KCNIP4: variants seen among roughly 807,000 people sequenced by gnomAD.
KCNIP4 encodes Kv channel-interacting protein 4.
Under a neutral mutation model 34.0 loss-of-function variants are expected in KCNIP4, and 12 were observed. The observed-to-expected ratio is 0.35, with a 90% CI of 0.23 to 0.57. The LOEUF (loss-of-function observed/expected upper bound fraction) is 0.57, where lower values mean the gene tolerates loss of function less well. Ranked by LOEUF, KCNIP4 falls within the 20% of genes least tolerant of loss-of-function variation. The probability of loss-of-function intolerance (pLI) is 0.83; values close to 1 mark genes in which losing one functional copy is unlikely to be tolerated. For missense variants in KCNIP4, 238 were observed against 311.7 expected, an observed-to-expected ratio of 0.76 and a Z score of 1.78; for synonymous variants, 124 against 102.2, an observed-to-expected ratio of 1.21 and a Z score of -1.29.
chr4:20,945,607 A>C (rs1303040898), intron 1 of KCNIP4, among the ~76,000 whole-genome samples: 1 of 152,160 alleles, frequency 6.6e-6, no homozygotes, highest in Non-Finnish European at 1.5e-5. Flanking sequence ...GTGTGTGAGC[A>C]GGAGTTCTAG....
chr4:21,344,057 C>G (rs117983979), intron 1 of KCNIP4, among the ~76,000 whole-genome samples: 3,778 of 152,160 alleles, frequency 0.025, 111 homozygotes, highest in Admixed American at 0.082. Context: ...AATAGGTTAA[C>G]AGAGGAGACA....
chr4:21,269,417 A>T (rs896498248), intron 1 of KCNIP4, among the ~76,000 whole-genome samples: 1 of 151,890 alleles, frequency 6.6e-6, no homozygotes, highest in African/African-American at 2.4e-5. Flanking sequence ...TTATTTATTT[A>T]TTTGGGGGGA....
At chr4:20,855,106 G>C (rs1306278994) in intron 2 of KCNIP4, among the ~76,000 whole-genome samples, 1 of 152,126 alleles carries the variant, frequency 6.6e-6, no homozygotes, top group African/African-American at 2.4e-5. Context: ...CCTGGCCCAA[G>C]TAACATCTGG....
At chr4:21,556,883 T>C (rs2109024651) in intron 1 of KCNIP4, among the ~76,000 whole-genome samples, 1 of 107,192 alleles carries the variant, frequency 9.3e-6, no homozygotes, top group South Asian at 3.1e-4. Context: ...ATTACGCCAC[T>C]GCACTCCAGC....
chr4:21,804,369 T>C (rs1287678815), intron 1 of KCNIP4, among the ~76,000 whole-genome samples: 2 of 152,224 alleles, frequency 1.3e-5, no homozygotes, highest in Admixed American at 1.3e-4. Context: ...ACAGTGACCT[T>C]GTGTGATGTA....
chr4:21,519,726 G>GTGTGTGTGTGTA (rs1484548503), intron 1 of KCNIP4, among the ~76,000 whole-genome samples: 20 of 122,464 alleles, frequency 1.6e-4, no homozygotes, highest in African/African-American at 6.9e-4. Context: ...ATATACACAC[G>GTGTGTGTGTGTA]TGTGTATATG....
intron 1 of KCNIP4, chr4:21,848,802 T>C (rs1325692703): frequency 6.6e-6 from 1 of 152,074 alleles, no homozygotes; most frequent in East Asian, 1.9e-4. Flanking sequence ...ATCCAGAACA[T>C]GCAATCAGGT....
intron 1 of KCNIP4, among the ~76,000 whole-genome samples, chr4:21,094,056 T>C (rs1424381301): frequency 6.6e-6 from 1 of 151,536 alleles, no homozygotes; most frequent in African/African-American, 2.4e-5. Flanking sequence ...TACTCCAGCC[T>C]GGGCGACAGA....
At chr4:20,743,826 A>G (rs1751752685) in intron 5 of KCNIP4, among the ~76,000 whole-genome samples, 2 of 152,174 alleles carry the variant, frequency 1.3e-5, no homozygotes, top group African/African-American at 4.8e-5. Flanking sequence ...CATCAGAGTG[A>G]ACAGGCAACC....
intron 1 of KCNIP4, among the ~76,000 whole-genome samples, chr4:21,694,925 A>ATAAAT (rs1712106653): frequency 1.0e-5 from 1 of 96,622 alleles, no homozygotes; most frequent in African/African-American, 4.0e-5. Flanking sequence ...AAAAAAAAAA[A>ATAAAT]AAAAATAAAA....
rs67541105 is a variant in KCNIP4, at chr4:21,924,243, CTTTTTT to C, written c.61+24322_61+24327del. Among the ~76,000 whole-genome samples the C allele has an allele frequency of 1.0e-4, 11 of 107,548 alleles. 1 individual carries two copies. The highest frequency in any genetic ancestry group is 3.3e-4 in the African/African-American group (9 of 26,894). The allele number at this position is 107,548 out of a possible 152,430, so 70.6% of individuals were successfully genotyped here. ...ACAATTTCTATTAATGAATATATTT[CTTTTTT>C]TTTTTTTTTTTTGAGACGGAATCTC... On this transcript the variant is annotated intron_variant, in intron 1 of 8. Transcript: ENST00000382152.
intron 1 of KCNIP4, among the ~76,000 whole-genome samples, chr4:21,400,224 G>A (rs1723355492): frequency 6.6e-6 from 1 of 152,036 alleles, no homozygotes; most frequent in African/African-American, 2.4e-5. Context: ...GGGGAGCGTG[G>A]GTGAAAAGGT....
chr4:20,865,092 C>T (rs1722733891), intron 2 of KCNIP4, among the ~76,000 whole-genome samples: 1 of 152,012 alleles, frequency 6.6e-6, no homozygotes, highest in Non-Finnish European at 1.5e-5. Context: ...AATATTGTCA[C>T]CCTGCTTTTA....
chr4:21,775,422 T>C (rs1719109282), intron 1 of KCNIP4, among the ~76,000 whole-genome samples: 1 of 152,174 alleles, frequency 6.6e-6, no homozygotes, highest in Non-Finnish European at 1.5e-5. Flanking sequence ...CAACCCCTGT[T>C]GGAAGTCCTC....
chr4:21,599,569 T>C (rs571695044), intron 1 of KCNIP4, among the ~76,000 whole-genome samples: 23 of 152,230 alleles, frequency 1.5e-4, no homozygotes, highest in African/African-American at 5.1e-4. Context: ...ATTATAAAAT[T>C]AGAGGTAAGC....
chr4:21,704,387 C>T (rs1713104498), intron 1 of KCNIP4, among the ~76,000 whole-genome samples: 1 of 152,098 alleles, frequency 6.6e-6, no homozygotes, highest in East Asian at 1.9e-4. Context: ...TTAATACTTT[C>T]ACTCATCAGA....
intron 1 of KCNIP4, among the ~76,000 whole-genome samples, chr4:21,560,674 T>C (rs1419019243): frequency 6.6e-6 from 1 of 152,104 alleles, no homozygotes; most frequent in Non-Finnish European, 1.5e-5. Context: ...AAGTACCACC[T>C]CACATTATAT....
rs1553898990 is a variant in KCNIP4, at chr4:20,803,727, G to GAGAGGAAGGAAGGA, written c.289-44838_289-44837insTCCTTCCTTCCTCT. 3.1e-3 allele frequency among the ~76,000 whole-genome samples: 284 copies of GAGAGGAAGGAAGGA among 91,432 alleles called. 3 individuals carry two copies. The highest frequency in any genetic ancestry group is 9.8e-3 in the African/African-American group (253 of 25,718). The allele number at this position is 91,432 out of a possible 152,430, so 60.0% of individuals were successfully genotyped here. A position where few individuals can be genotyped will look rare whatever the true frequency, so the allele number is the denominator to read the frequency against. ...AAAGAGAGAGAGAGAGAGAGAGAGA[G>GAGAGGAAGGAAGGA]AGGAAGGAAGGAAGGAAGGAAGGAA... On this transcript the variant is annotated intron_variant, in intron 3 of 8. Transcript: ENST00000382152.
At chr4:20,936,536 A>G (rs1731082105) in intron 1 of KCNIP4, among the ~76,000 whole-genome samples, 1 of 151,760 alleles carries the variant, frequency 6.6e-6, no homozygotes. Flanking sequence ...CTGAATATTT[A>G]CTCTGAGTCC....
Sources: gnomAD v4.1 joint callset for allele counts (sites outside exome capture counted in the v4.1 genomes callset) on GRCh38, gnomAD v4.1.1 for gene constraint, MANE v1.5 for transcripts, NCBI Gene and HGNC (gene_info 2026-07-23, HGNC 2026-07-21) for gene names.